GALNT17: variants seen among roughly 807,000 people sequenced by gnomAD.
GALNT17 encodes UDP-GalNAc:polypeptide N-acetylgalactosaminyltransferase-like 3.
A neutral mutation model predicts 63.7 loss-of-function variants in GALNT17; 29 were observed. The observed-to-expected ratio is 0.46, with a 90% CI of 0.34 to 0.62. GALNT17 has a LOEUF of 0.62. Among genes scored for constraint, GALNT17 ranks in the 20% least tolerant of loss-of-function variants. GALNT17 has a pLI of 0.01. For missense variants in GALNT17, 603 were observed against 799.6 expected (o/e 0.75, Z 2.97); for synonymous variants, 305 against 318.3 (o/e 0.96, Z 0.45).
intron 2 of GALNT17, among the ~76,000 whole-genome samples, chr7:71,384,247 A>G (rs1367858177): frequency 6.6e-6 from 1 of 152,038 alleles, no homozygotes; most frequent in Non-Finnish European, 1.5e-5. Flanking sequence ...AGAGAGGTTT[A>G]TTTTAAGAAC....
intron 9 of GALNT17, among the ~76,000 whole-genome samples, chr7:71,693,307 C>CATATATATATATATATATATATAT (rs1397260396): frequency 1.6e-5 from 2 of 126,678 alleles, no homozygotes; most frequent in East Asian, 4.8e-4. Flanking sequence ...CACACACACA[C>CATATATATATATATATATATATAT]ACATATATAT....
At chr7:71,194,847 CA>C (rs1789016331) in intron 1 of GALNT17, among the ~76,000 whole-genome samples, 1 of 152,184 alleles carries the variant, frequency 6.6e-6, no homozygotes, top group South Asian at 2.1e-4. Flanking sequence ...GGTGCTGTCT[CA>C]GATTTGTACA....
At chr7:71,535,743 G>A (rs1788792939) in intron 5 of GALNT17, among the ~76,000 whole-genome samples, 1 of 152,042 alleles carries the variant, frequency 6.6e-6, no homozygotes. Flanking sequence ...GAAATCCTTG[G>A]TCATGATTTC....
intron 1 of GALNT17, among the ~76,000 whole-genome samples, chr7:71,143,552 G>T (rs1000646961): frequency 1.3e-5 from 2 of 152,124 alleles, no homozygotes; most frequent in South Asian, 4.2e-4. Context: ...AGGTGTGGGA[G>T]CTCCTTGGTG....
intron 9 of GALNT17, among the ~76,000 whole-genome samples, chr7:71,699,170 T>TCAAAA (rs1791589641): frequency 9.7e-5 from 1 of 10,276 alleles, no homozygotes. Flanking sequence ...AGACTCCATC[T>TCAAAA]CAAAAAAAAA....
At chr7:71,196,347 C>T (rs1789048748) in intron 1 of GALNT17, among the ~76,000 whole-genome samples, 1 of 152,072 alleles carries the variant, frequency 6.6e-6, no homozygotes, top group Non-Finnish European at 1.5e-5. Context: ...ATCATGTTGA[C>T]CATGGTGGTC....
At chr7:71,692,006 G>A (rs1004467509) in intron 9 of GALNT17, among the ~76,000 whole-genome samples, 28 of 151,882 alleles carry the variant, frequency 1.8e-4, no homozygotes, top group Admixed American at 1.3e-4. Flanking sequence ...CGACCTCCTG[G>A]ATTCAAGCAA....
intron 1 of GALNT17, among the ~76,000 whole-genome samples, chr7:71,274,531 C>T (rs371636015): frequency 7.9e-5 from 12 of 152,290 alleles, no homozygotes; most frequent in Admixed American, 3.9e-4. Context: ...CCTTCTTCCA[C>T]GGCCTCCAAA....
rs374636300 is a variant in GALNT17 at position 71,180,841 on chromosome 7, A to G, written c.238+47801A>G. 9.8e-5 allele frequency among the ~76,000 whole-genome samples: 15 copies of G among 152,318 alleles called. No homozygotes were observed. The East Asian group carries it at 1.5e-3, about 16-fold the overall frequency. ...AGAAGGGAAGGGCTTGGGGAAGAAC[A>G]GAGGCCAAGAACTCAGTTTGGGAAG... On this transcript the variant is annotated intron_variant, in intron 1 of 10. Transcript: ENST00000333538.
chr7:71,138,287 A>G (rs1273381052), intron 1 of GALNT17, among the ~76,000 whole-genome samples: 1 of 151,774 alleles, frequency 6.6e-6, no homozygotes, highest in African/African-American at 2.4e-5. Context: ...ACAGTGAGCT[A>G]TGGTTGTGCC....
intron 2 of GALNT17, among the ~76,000 whole-genome samples, chr7:71,336,498 C>T (rs1435564607): frequency 6.6e-6 from 1 of 152,192 alleles, no homozygotes; most frequent in Non-Finnish European, 1.5e-5. Flanking sequence ...CTTCTCCCTC[C>T]CTCCACTTTC....
intron 2 of GALNT17, among the ~76,000 whole-genome samples, chr7:71,353,663 T>G (rs1792227646): frequency 6.6e-6 from 1 of 152,162 alleles, no homozygotes; most frequent in Non-Finnish European, 1.5e-5. Flanking sequence ...ATCTGTTGCA[T>G]CTTATCAGGA....
chr7:71,597,561 G>T (rs1789906305), intron 6 of GALNT17, among the ~76,000 whole-genome samples: 1 of 147,720 alleles, frequency 6.8e-6, no homozygotes, highest in Admixed American at 6.7e-5. Context: ...AAACATTTCT[G>T]AATTTCACAT....
chr7:71,437,020 G>A (rs533659306), intron 5 of GALNT17, among the ~76,000 whole-genome samples: 13 of 152,198 alleles, frequency 8.5e-5, no homozygotes, highest in South Asian at 2.1e-4. Flanking sequence ...CCACATCTTC[G>A]ACTCGCTGGC....
chr7:71,170,824 A>G (rs550329619), intron 1 of GALNT17, among the ~76,000 whole-genome samples: 19 of 152,298 alleles, frequency 1.2e-4, no homozygotes, highest in Non-Finnish European at 2.8e-4. Flanking sequence ...CTGGGGTCAT[A>G]TGATTTCGAA....
chr7:71,244,971 A>G (rs991265275), intron 1 of GALNT17, among the ~76,000 whole-genome samples: 2 of 151,954 alleles, frequency 1.3e-5, no homozygotes, highest in African/African-American at 4.8e-5. Context: ...AAATCAACCA[A>G]AAAAAACCTC....
chr7:71,298,697 T>A (rs532609833), intron 1 of GALNT17, among the ~76,000 whole-genome samples: 71 of 134,694 alleles, frequency 5.3e-4, no homozygotes, highest in African/African-American at 2.0e-3. Context: ...TGTGCACGAC[T>A]TTTATTCCAG....
At chr7:71,455,072 A>G (rs754036182) in intron 5 of GALNT17, among the ~76,000 whole-genome samples, 46 of 151,842 alleles carry the variant, frequency 3.0e-4, no homozygotes, top group Admixed American at 7.2e-4. Flanking sequence ...GGAGGCTGAG[A>G]TGGGCCCATT....
intron 9 of GALNT17, among the ~76,000 whole-genome samples, chr7:71,688,306 GT>G (rs1791391750): frequency 2.6e-5 from 4 of 152,146 alleles, no homozygotes; most frequent in Non-Finnish European, 5.9e-5. Flanking sequence ...TATTCAAAAT[GT>G]TTCTGATTTT....
Sources: gnomAD v4.1 joint callset for allele counts (sites outside exome capture counted in the v4.1 genomes callset) on GRCh38, gnomAD v4.1.1 for gene constraint, MANE v1.5 for transcripts, NCBI Gene and HGNC (gene_info 2026-07-23, HGNC 2026-07-21) for gene names.